Variants in ADAMTS16 observed in about 807,000 individuals in gnomAD.
The protein encoded by ADAMTS16 is ADAM metallopeptidase with thrombospondin type 1 motif 16, also known as A disintegrin and metalloproteinase with thrombospondin motifs 16.
Under a neutral mutation model 145.8 loss-of-function variants are expected in ADAMTS16, and 94 were observed. The ratio of observed to expected loss-of-function variants is 0.64; its 90% CI spans 0.55 to 0.77. ADAMTS16 has a LOEUF of 0.77. Ranked by LOEUF, ADAMTS16 falls within the 30% of genes least tolerant of loss-of-function variation. The pLI is 0.00. For synonymous variants in ADAMTS16, 659 were observed against 604.3 expected (o/e 1.09, Z -1.33); for missense variants, 1,585 against 1,591.5 (o/e 1.00, Z 0.07).
At chr5:5,173,204 G>A (rs2126545452) in intron 3 of ADAMTS16, among the ~76,000 whole-genome samples, 1 of 148,320 alleles carries the variant, frequency 6.7e-6, no homozygotes, top group South Asian at 2.1e-4. Flanking sequence ...AATCCATTCA[G>A]CCACTCTATG....
At chr5:5,200,906 T>C (rs373556926) in intron 9 of ADAMTS16, among the ~76,000 whole-genome samples, 2 of 152,202 alleles carry the variant, frequency 1.3e-5, no homozygotes, top group Non-Finnish European at 2.9e-5. Flanking sequence ...CCTTGAAAAA[T>C]AGTAGATTTG....
At chr5:5,291,000 G>A (rs1292891913) in intron 18 of ADAMTS16, among the ~76,000 whole-genome samples, 2 of 152,122 alleles carry the variant, frequency 1.3e-5, no homozygotes, top group Non-Finnish European at 1.5e-5. Context: ...CCACTTGGGA[G>A]CATTGTTTTC....
chr5:5,313,346 C>A (rs9313109), intron 21 of ADAMTS16, among the ~76,000 whole-genome samples: 13 of 152,116 alleles, frequency 8.5e-5, no homozygotes, highest in Admixed American at 2.0e-4. Flanking sequence ...AAAGATCGCC[C>A]TTCCTATTAT....
At chr5:5,309,253 G>A (rs1940186536) in intron 21 of ADAMTS16, among the ~76,000 whole-genome samples, 1 of 152,192 alleles carries the variant, frequency 6.6e-6, no homozygotes, top group South Asian at 2.1e-4. Flanking sequence ...TGTTAATAAT[G>A]CCTAATACAT....
rs1310548681 is a variant in ADAMTS16 at position 5,317,455 on chromosome 5, C to T, written c.3412-679C>T. On this transcript the variant is annotated intron_variant, in intron 21 of 22. Transcript: ENST00000274181. The surrounding 1 kb of genome is among the most constrained non-coding windows in gnomAD (Gnocchi z 4.5). ...TGTTGCCCAGGCTGAAGTGCTGTGG[C>T]ATGATCTCAGCTCACTGCAACCTCT... Among the ~76,000 whole-genome samples, 1 of 152,170 alleles carries T rather than the reference C, an allele frequency of 6.6e-6. No individual in the cohort carries two copies. The highest frequency in any genetic ancestry group is 2.1e-4 in the South Asian group (1 of 4,830).
intron 18 of ADAMTS16, among the ~76,000 whole-genome samples, chr5:5,272,359 G>GA (rs201912272): frequency 2.1e-4 from 22 of 105,964 alleles, no homozygotes; most frequent in African/African-American, 3.3e-4. Flanking sequence ...AATTCCAAAG[G>GA]ATTTTTTTTT....
chr5:5,224,226 A>T (rs549545721), intron 11 of ADAMTS16, among the ~76,000 whole-genome samples: 18 of 152,058 alleles, frequency 1.2e-4, no homozygotes, highest in Non-Finnish European at 2.6e-4. Flanking sequence ...ATTGAATTCT[A>T]CTAGTGATCC....
intron 11 of ADAMTS16, among the ~76,000 whole-genome samples, chr5:5,224,934 T>TA (rs1304965845): frequency 6.6e-6 from 1 of 152,186 alleles, no homozygotes; most frequent in Non-Finnish European, 1.5e-5. Flanking sequence ...GGTTACATTT[T>TA]ATTTATCTCA....
At chr5:5,270,261 C>T (rs764415338) in intron 18 of ADAMTS16, among the ~76,000 whole-genome samples, 2 of 152,224 alleles carry the variant, frequency 1.3e-5, no homozygotes, top group African/African-American at 2.4e-5. Context: ...CTTCCCACAA[C>T]TCTCCTGCAC....
chr5:5,253,220 T>C (rs1403710626), intron 17 of ADAMTS16, among the ~76,000 whole-genome samples: 2 of 152,164 alleles, frequency 1.3e-5, no homozygotes, highest in African/African-American at 4.8e-5. Flanking sequence ...GTGTCCAAGG[T>C]GGTCAGTGGT....
At chr5:5,165,369 A>G (rs1420760697) in intron 3 of ADAMTS16, among the ~76,000 whole-genome samples, 3 of 152,034 alleles carry the variant, frequency 2.0e-5, no homozygotes, top group Admixed American at 1.3e-4. Context: ...ACCGAGCTTC[A>G]ATGTGTTATC....
chr5:5,248,177 A>G (rs778620552), intron 17 of ADAMTS16, among the ~76,000 whole-genome samples: 3 of 152,152 alleles, frequency 2.0e-5, no homozygotes, highest in Non-Finnish European at 4.4e-5. Flanking sequence ...TTATAAAAGG[A>G]GGATAAAGCT....
chr5:5,213,855 C>A (rs1736342429), intron 10 of ADAMTS16, among the ~76,000 whole-genome samples: 1 of 152,236 alleles, frequency 6.6e-6, no homozygotes, highest in South Asian at 2.1e-4. Context: ...CCTGGAATCT[C>A]CTATGTGGCA....
At chr5:5,209,727 C>G (rs1387620982) in intron 10 of ADAMTS16, among the ~76,000 whole-genome samples, 2 of 152,002 alleles carry the variant, frequency 1.3e-5, no homozygotes, top group Non-Finnish European at 2.9e-5. Flanking sequence ...TCCGTCAACC[C>G]CAGGAACTTT....
At chr5:5,274,965 A>AT (rs1470935436) in intron 18 of ADAMTS16, among the ~76,000 whole-genome samples, 1 of 152,222 alleles carries the variant, frequency 6.6e-6, no homozygotes, top group Non-Finnish European at 1.5e-5. Context: ...ACCGTGGCAC[A>AT]TGCTTCAAAT....
At chr5:5,185,793 T>C (rs564773150) in intron 4 of ADAMTS16, among the ~76,000 whole-genome samples, 3 of 152,296 alleles carry the variant, frequency 2.0e-5, no homozygotes, top group African/African-American at 7.2e-5. Context: ...AAGAGTGCCC[T>C]CTCTTGCTGT....
At chr5:5,294,480 C>T (rs1414099507) in intron 18 of ADAMTS16, among the ~76,000 whole-genome samples, 2 of 152,150 alleles carry the variant, frequency 1.3e-5, no homozygotes, top group Non-Finnish European at 2.9e-5. Context: ...TTGGGGGATA[C>T]CTCCCTCTAT....
rs1173829992 is a variant in ADAMTS16, at chr5:5,206,425, C to CAAAAAA, written c.1452-2651_1452-2646dup. 4.6e-4 allele frequency among the ~76,000 whole-genome samples: 18 copies of CAAAAAA among 39,424 alleles called. 1 individual carries two copies. The highest frequency in any genetic ancestry group is 1.8e-3 in the African/African-American group (15 of 8,520). The allele number at this position is 39,424 out of a possible 152,430, so 25.9% of individuals were successfully genotyped here. A position where few individuals can be genotyped will look rare whatever the true frequency, so the allele number is the denominator to read the frequency against. ...TGGGCGACAGAGCGAGACTCCGTCT[C>CAAAAAA]AAAAAAAAAAAAAAAAAAAAAAGAT... On this transcript the variant is annotated intron_variant, in intron 9 of 22. Coordinates refer to ENST00000274181, the MANE Select transcript of ADAMTS16 (RefSeq NM_139056.4).
chr5:5,299,261 C>T (rs1474853038), intron 18 of ADAMTS16, among the ~76,000 whole-genome samples: 1 of 152,122 alleles, frequency 6.6e-6, no homozygotes, highest in Non-Finnish European at 1.5e-5. Context: ...GACACTGAAA[C>T]TAAATTCTAA....
Sources: allele counts gnomAD v4.1 joint callset (sites outside exome capture counted in the v4.1 genomes callset), GRCh38; gene constraint gnomAD v4.1.1; non-coding constraint Gnocchi (gnomAD v3.1); transcripts MANE v1.5; gene names NCBI Gene and HGNC (gene_info 2026-07-23, HGNC 2026-07-21).